Variants in GRID1 observed in about 807,000 individuals in gnomAD.
GRID1 encodes the protein glutamate receptor ionotropic, delta-1.
Under a neutral mutation model 98.0 loss-of-function variants are expected in GRID1, and 28 were observed. The observed-to-expected ratio is 0.29, with a 90% CI of 0.21 to 0.39. The LOEUF (loss-of-function observed/expected upper bound fraction) is 0.39, where lower values mean the gene tolerates loss of function less well. Among genes scored for constraint, GRID1 ranks in the 10% least tolerant of loss-of-function variants. The pLI is 1.00. For missense variants in GRID1, 1,111 were observed against 1,340.5 expected (o/e 0.83, Z 2.67); for synonymous variants, 553 against 538.5 (o/e 1.03, Z -0.37).
chr10:86,010,029 C>T (rs1023831141), intron 4 of GRID1, among the ~76,000 whole-genome samples: 2 of 148,924 alleles, frequency 1.3e-5, no homozygotes, highest in Non-Finnish European at 3.0e-5. Context: ...AGAATAGGAT[C>T]CAGGGCAAAA....
rs116065041 is a variant in GRID1, at chr10:86,232,248, A to G, written c.236-25600T>C. Among the ~76,000 whole-genome samples the G allele has an allele frequency of 2.2e-3, 329 of 152,284 alleles. 1 individual carries two copies. The Middle Eastern group carries it at 0.024, about 11-fold the overall frequency. On this transcript the variant is annotated intron_variant, in intron 2 of 15. Coordinates refer to ENST00000327946, the MANE Select transcript of GRID1 (RefSeq NM_017551.3). ...CCGTTGTATTAGGGAGCCAGGAGAA[A>G]AGGCAAGCTGAGCAGCACTGTTCCC... is the stretch of plus-strand genomic sequence containing the variant.
chr10:86,161,266 AGCACATTCAG>A (rs1564693432), intron 3 of GRID1, among the ~76,000 whole-genome samples: 1 of 152,190 alleles, frequency 6.6e-6, no homozygotes, highest in Non-Finnish European at 1.5e-5. Flanking sequence ...CTGACATCCT[AGCACATTCAG>A]GCACATTCAG....
chr10:86,107,805 C>T (rs368428249), intron 4 of GRID1, among the ~76,000 whole-genome samples: 8 of 152,280 alleles, frequency 5.3e-5, no homozygotes, highest in East Asian at 3.9e-4. Flanking sequence ...AGCAGAACAA[C>T]GCAGAATTTG....
intron 5 of GRID1, among the ~76,000 whole-genome samples, chr10:85,878,380 G>T (rs1713062718): frequency 6.6e-6 from 1 of 151,948 alleles, no homozygotes; most frequent in Non-Finnish European, 1.5e-5. Context: ...GAAAGGTCGG[G>T]TTACCCACAA....
intron 4 of GRID1, among the ~76,000 whole-genome samples, chr10:85,967,338 GAGAAAGAA>G (rs3057905): frequency 3.6e-4 from 54 of 151,558 alleles, no homozygotes; most frequent in East Asian, 5.8e-4. Flanking sequence ...ACCACCAAAA[GAGAAAGAA>G]AGAAAGAAAG....
At chr10:85,936,111 C>T (rs964260396) in intron 4 of GRID1, among the ~76,000 whole-genome samples, 6 of 152,136 alleles carry the variant, frequency 3.9e-5, no homozygotes, top group African/African-American at 9.7e-5. Context: ...ATTATGGGAC[C>T]ACATATTAGG....
At chr10:85,795,200 A>T (rs1044955451) in intron 8 of GRID1, among the ~76,000 whole-genome samples, 10 of 152,154 alleles carry the variant, frequency 6.6e-5, no homozygotes, top group African/African-American at 2.4e-4. Context: ...ATATTCTAAC[A>T]TCATTCATTC....
intron 3 of GRID1, among the ~76,000 whole-genome samples, chr10:86,178,576 C>A (rs554125654): frequency 6.6e-6 from 1 of 152,212 alleles, no homozygotes; most frequent in African/African-American, 2.4e-5. Context: ...AGAGCCCATG[C>A]GCCACCTCCA....
intron 2 of GRID1, among the ~76,000 whole-genome samples, chr10:86,334,563 C>T (rs1848197688): frequency 6.6e-6 from 1 of 152,188 alleles, no homozygotes; most frequent in Non-Finnish European, 1.5e-5. Context: ...AGAAGAAAGG[C>T]ATTTAGGGCT....
At chr10:85,832,403 A>G (rs1377069719) in intron 8 of GRID1, among the ~76,000 whole-genome samples, 1 of 152,190 alleles carries the variant, frequency 6.6e-6, no homozygotes, top group African/African-American at 2.4e-5. Flanking sequence ...CAAATTCTCC[A>G]TGAACATAAA....
At chr10:86,114,264 T>G (rs778886206) in intron 4 of GRID1, among the ~76,000 whole-genome samples, 3 of 152,060 alleles carry the variant, frequency 2.0e-5, no homozygotes, top group Admixed American at 6.5e-5. Context: ...GGGGCCACCA[T>G]GTGGAGGCAG....
At chr10:85,823,591 T>C (rs1193285568) in intron 8 of GRID1, among the ~76,000 whole-genome samples, 1 of 151,918 alleles carries the variant, frequency 6.6e-6, no homozygotes, top group African/African-American at 2.4e-5. Context: ...AAATACAAAC[T>C]GAGAATTGTC....
chr10:86,193,642 T>C (rs1247746028), intron 3 of GRID1, among the ~76,000 whole-genome samples: 1 of 152,006 alleles, frequency 6.6e-6, no homozygotes, highest in Non-Finnish European at 1.5e-5. Flanking sequence ...TACTGCACCC[T>C]ATTCTCTGCA....
chr10:85,606,515 A>G (rs985733979), intron 15 of GRID1: 2 of 152,202 alleles, frequency 1.3e-5, no homozygotes, highest in African/African-American at 2.4e-5. Context: ...AATGACTCCT[A>G]TCTTTCCTGG....
At chr10:86,285,414 T>G (rs571166814) in intron 2 of GRID1, among the ~76,000 whole-genome samples, 1 of 152,306 alleles carries the variant, frequency 6.6e-6, no homozygotes, top group African/African-American at 2.4e-5. Flanking sequence ...ACAAAGAGGA[T>G]GCAGCCAGGG....
At chr10:85,944,592 C>T (rs1261082223) in intron 4 of GRID1, among the ~76,000 whole-genome samples, 2 of 151,882 alleles carry the variant, frequency 1.3e-5, no homozygotes, top group African/African-American at 4.8e-5. Context: ...TATTTATTGG[C>T]ATATTGGCTG....
intron 5 of GRID1, among the ~76,000 whole-genome samples, chr10:85,900,702 T>G (rs1385686201): frequency 2.6e-5 from 4 of 152,302 alleles, no homozygotes; most frequent in Admixed American, 1.3e-4. Flanking sequence ...TGTAATTTAG[T>G]GATCCATGGA....
chr10:85,933,415 A>G (rs1841885949), intron 4 of GRID1, among the ~76,000 whole-genome samples: 1 of 152,150 alleles, frequency 6.6e-6, no homozygotes, highest in African/African-American at 2.4e-5. Context: ...GGTAATAAAC[A>G]TAGTATCCAA....
At chr10:86,255,910 G>A (rs979084117) in intron 2 of GRID1, among the ~76,000 whole-genome samples, 15 of 152,172 alleles carry the variant, frequency 9.9e-5, no homozygotes, top group South Asian at 2.1e-4. Flanking sequence ...TGAAGCTGCC[G>A]CACCCCCAAC....
Sources: allele counts gnomAD v4.1 joint callset (sites outside exome capture counted in the v4.1 genomes callset), GRCh38; gene constraint gnomAD v4.1.1; transcripts MANE v1.5; gene names NCBI Gene and HGNC (gene_info 2026-07-23, HGNC 2026-07-21).